MYO1E: variants seen among roughly 807,000 people sequenced by gnomAD.
The protein encoded by MYO1E is myosin IE, also known as unconventional myosin-Ie.
Under a neutral mutation model 151.1 loss-of-function variants are expected in MYO1E, and 68 were observed. The observed-to-expected ratio is 0.45, with a 90% CI of 0.37 to 0.55. The LOEUF (loss-of-function observed/expected upper bound fraction) is 0.55, where lower values mean the gene tolerates loss of function less well. MYO1E is among the 20% of genes least tolerant of loss of function. MYO1E has a pLI of 0.00. For missense variants in MYO1E, 1,363 were observed against 1,389.3 expected (o/e 0.98, Z 0.30); for synonymous variants, 601 against 501.7 (o/e 1.20, Z -2.64).
chr15:59,213,668 G>A (rs937864871), intron 12 of MYO1E, among the ~76,000 whole-genome samples: 10 of 148,696 alleles, frequency 6.7e-5, no homozygotes, highest in African/African-American at 2.2e-4. Context: ...ATTTTGTCCC[G>A]CAGGCTGGTC....
In MYO1E at chr15:59,358,475, T is replaced by A. The variant is rs1185628822; in HGVS notation, c.3+14023A>T. ...CACTAGTTGGAAGATGGGTTTGGGG[T>A]GTGAGGGTGTGTGAGAGAAAGAGCT... On this transcript the variant is annotated intron_variant, in intron 1 of 27. Coordinates refer to ENST00000288235, the MANE Select transcript of MYO1E (RefSeq NM_004998.4). Among the ~76,000 whole-genome samples, 3 of 152,074 alleles carry A rather than the reference T, an allele frequency of 2.0e-5. No homozygotes were observed. The East Asian group carries it at 5.8e-4, about 29-fold the overall frequency.
chr15:59,272,399 G>A lies in MYO1E; in HGVS notation c.54C>T (p.His18=), dbSNP rs1456194883. The part of the protein sequence containing the change: ...QYHWQSHNVK[H]SGVDDMVLLS... ...GTAGCACCATGTCGTCCACACCACTGTGCTTGACATTGTGGCTTTGCCAGT... is the reference window on the plus strand; with the variant it reads ...GTAGCACCATGTCGTCCACACCACTATGCTTGACATTGTGGCTTTGCCAGT... Residue 18 remains histidine (H), a synonymous_variant, in exon 2 of 28, where the codon CAC becomes CAT. Coordinates refer to ENST00000288235, the MANE Select transcript of MYO1E (RefSeq NM_004998.4). The A allele has an allele frequency of 6.2e-7, 1 of 1,614,044 alleles. No homozygotes were observed. The highest frequency in any genetic ancestry group is 1.7e-5 in the Admixed American group (1 of 60,028).
Position 59,372,559 on chromosome 15 carries a change from G to A in MYO1E, c.-59C>T, listed in dbSNP as rs2080954252. The stretch of plus-strand genomic sequence containing the variant: ...TCCCGCTGCCGGGGAACTGGGGCTG[G>A]AACGCAGTCTTCTGGGCGAACTTCA... On this transcript the variant is annotated 5_prime_UTR_variant, in exon 1 of 28. Transcript: ENST00000288235. The A allele has an allele frequency of 2.6e-6, 4 of 1,533,268 alleles. No homozygotes were observed. The highest frequency in any genetic ancestry group is 1.2e-5 in the South Asian group (1 of 83,386). 95.0% of individuals were successfully genotyped at this position (1,533,268 alleles called of 1,614,324 possible). A position where few individuals can be genotyped will look rare whatever the true frequency, so the allele number is the denominator to read the frequency against.
At chr15:59,283,393 T>C (rs1156860843) in intron 1 of MYO1E, among the ~76,000 whole-genome samples, 1 of 152,128 alleles carries the variant, frequency 6.6e-6, no homozygotes, top group Non-Finnish European at 1.5e-5. Context: ...AACCCAACTC[T>C]ATGCCTACTA....
At chr15:59,301,596 G>C (rs1291892658) in intron 1 of MYO1E, among the ~76,000 whole-genome samples, 1 of 152,230 alleles carries the variant, frequency 6.6e-6, no homozygotes, top group African/African-American at 2.4e-5. Context: ...TGGATGCTGA[G>C]AGGAATAAAG....
At position 59,162,716 on chromosome 15, in the gene MYO1E, T is replaced by C. The variant is rs571109957; in HGVS notation, c.2627+441A>G. Among the ~76,000 whole-genome samples, 143 of 149,860 alleles carry C rather than the reference T, an allele frequency of 9.5e-4. 2 individuals carry two copies. The highest frequency in any genetic ancestry group is 8.0e-3 in the Admixed American group (121 of 15,076). ...ACCTACACAATACGTTGGCCACCTA[T>C]AGTCCTCAAGCCCCCGGAGGCTCTA... On this transcript the variant is annotated intron_variant, in intron 23 of 27. Coordinates refer to ENST00000288235, the MANE Select transcript of MYO1E (RefSeq NM_004998.4).
At chr15:59,317,937 G>A (rs967423848) in intron 1 of MYO1E, among the ~76,000 whole-genome samples, 14 of 152,202 alleles carry the variant, frequency 9.2e-5, no homozygotes, top group African/African-American at 3.1e-4. Context: ...AACTGAGGTA[G>A]AAGGTTATGA....
chr15:59,198,010 T>C (rs1195392224), intron 16 of MYO1E, among the ~76,000 whole-genome samples: 6 of 152,092 alleles, frequency 3.9e-5, no homozygotes, highest in African/African-American at 1.4e-4. Context: ...TGGAAGCACA[T>C]GCCACCACAC....
intron 21 of MYO1E, among the ~76,000 whole-genome samples, chr15:59,173,335 A>C (rs1366699916): frequency 2.6e-5 from 4 of 152,364 alleles, no homozygotes; most frequent in African/African-American, 9.6e-5. Context: ...TTCATGAGAA[A>C]CTGGTTAAAA....
At chr15:59,224,577 G>C in intron 8 of MYO1E, 112 bp downstream of exon 8, 1 of 1,424,824 alleles carries the variant, frequency 7.0e-7, no homozygotes, top group Non-Finnish European at 9.8e-7. Context: ...CACAGAGAAA[G>C]AGGCGGACAT....
intron 25 of MYO1E, among the ~76,000 whole-genome samples, chr15:59,155,021 G>T (rs1243473252): frequency 1.3e-5 from 2 of 152,160 alleles, no homozygotes; most frequent in Non-Finnish European, 2.9e-5. Context: ...TTCCCTCAGT[G>T]AGTGAGAGCT....
At chr15:59,361,768 TC>T (rs2080886651) in intron 1 of MYO1E, among the ~76,000 whole-genome samples, 1 of 152,136 alleles carries the variant, frequency 6.6e-6, no homozygotes, top group East Asian at 1.9e-4. Context: ...CTTTCCTCTT[TC>T]CCCCTTCAGT....
intron 4 of MYO1E, among the ~76,000 whole-genome samples, chr15:59,254,249 T>C (rs2080181669): frequency 6.6e-6 from 1 of 152,016 alleles, no homozygotes; most frequent in Non-Finnish European, 1.5e-5. Context: ...GTGCAGTGGT[T>C]CAAGCACAGC....
At chr15:59,216,833 A>G (rs2079921930) in intron 10 of MYO1E, among the ~76,000 whole-genome samples, 1 of 151,374 alleles carries the variant, frequency 6.6e-6, no homozygotes, top group Non-Finnish European at 1.5e-5. Context: ...CTTAAGTGTG[A>G]TCTTTGCTTA....
intron 12 of MYO1E, among the ~76,000 whole-genome samples, chr15:59,213,020 G>A (rs1436504089): frequency 6.6e-6 from 1 of 152,070 alleles, no homozygotes; most frequent in Non-Finnish European, 1.5e-5. Flanking sequence ...ACAACTGGGA[G>A]GGAAGAAACT....
chr15:59,175,424 C>T (rs1366298092), intron 19 of MYO1E, among the ~76,000 whole-genome samples: 4 of 152,118 alleles, frequency 2.6e-5, no homozygotes, highest in African/African-American at 4.8e-5. Flanking sequence ...TCTGTTTATC[C>T]GGGTGCATGC....
At chr15:59,198,020 C>G (rs1469826522) in intron 16 of MYO1E, among the ~76,000 whole-genome samples, 4 of 152,092 alleles carry the variant, frequency 2.6e-5, no homozygotes, top group African/African-American at 9.7e-5. Context: ...TGCCACCACA[C>G]CCAGCTAATT....
At chr15:59,176,751 C>T (rs2079627592) in intron 19 of MYO1E, among the ~76,000 whole-genome samples, 1 of 152,108 alleles carries the variant, frequency 6.6e-6, no homozygotes, top group South Asian at 2.1e-4. Flanking sequence ...GCCACTGTGC[C>T]CAGCCAGATT....
At chr15:59,234,852 A>G (rs1345530534) in intron 5 of MYO1E, among the ~76,000 whole-genome samples, 1 of 151,586 alleles carries the variant, frequency 6.6e-6, no homozygotes, top group African/African-American at 2.4e-5. Flanking sequence ...AGGGAACCAC[A>G]ATAAAGAGAA....
Sources: gnomAD v4.1 joint callset for allele counts (sites outside exome capture counted in the v4.1 genomes callset) on GRCh38, gnomAD v4.1.1 for gene constraint, MANE v1.5 for transcripts, NCBI Gene and HGNC (gene_info 2026-07-23, HGNC 2026-07-21) for gene names.